ZNF627: variants seen among roughly 807,000 people sequenced by gnomAD.
ZNF627 encodes zinc finger protein 627.
A neutral mutation model predicts 10.6 loss-of-function variants in ZNF627; 12 were observed. The ratio of observed to expected loss-of-function variants is 1.13; its 90% CI spans 0.73 to 1.84. The LOEUF is 1.84. Ranked by LOEUF, ZNF627 falls within the 40% of genes most tolerant of loss-of-function variation. The probability of loss-of-function intolerance (pLI) is 0.00; values close to 1 mark genes in which losing one functional copy is unlikely to be tolerated. For missense variants in ZNF627, 504 were observed against 568.4 expected (o/e 0.89, Z 1.15); for synonymous variants, 176 against 187.1 (o/e 0.94, Z 0.48).
At chr19:11,611,289 C>T (rs1357136462) in intron 1 of ZNF627, among the ~76,000 whole-genome samples, 2 of 152,018 alleles carry the variant, frequency 1.3e-5, no homozygotes, top group Non-Finnish European at 2.9e-5. Context: ...TTACAATTCC[C>T]TGGTTGCCTT....
intron 1 of ZNF627, among the ~76,000 whole-genome samples, chr19:11,609,471 T>TATATATA (rs1568441689): frequency 5.6e-5 from 3 of 54,016 alleles, no homozygotes; most frequent in East Asian, 5.7e-4. Context: ...TTAAAAAATT[T>TATATATA]TATATATATA....
chr19:11,614,376 G>A (rs1269224225), intron 1 of ZNF627, 151 bp from the exon 2 acceptor site: 1 of 1,250,068 alleles, frequency 8.0e-7, no homozygotes, highest in Admixed American at 2.6e-5. Context: ...GGAAGGAAGT[G>A]AGTCTAGACA....
Position 11,607,619 on chromosome 19 carries a change from A to T in ZNF627, c.4-6908A>T, listed in dbSNP as rs1311435819. Among the ~76,000 whole-genome samples, 3 of 152,226 alleles carry T rather than the reference A, an allele frequency of 2.0e-5. No homozygotes were observed. In the East Asian group the frequency reaches 5.8e-4, roughly 29 times the overall value. On this transcript the variant is annotated intron_variant, in intron 1 of 3. Coordinates refer to ENST00000361113, the MANE Select transcript of ZNF627 (RefSeq NM_145295.4). The stretch of plus-strand genomic sequence containing the variant: ...ATGCCGCCAGTCTCTTTGCTAAAAC[A>T]TAACAAGAGTCACCTTTGCTTCAAG...
intron 1 of ZNF627, among the ~76,000 whole-genome samples, chr19:11,609,033 G>A (rs945514569): frequency 1.3e-5 from 2 of 152,036 alleles, no homozygotes; most frequent in Admixed American, 1.3e-4. Flanking sequence ...ACCATGCTCA[G>A]CTAATATTTG....
chr19:11,603,766 T>TA (rs992099394), intron 1 of ZNF627, among the ~76,000 whole-genome samples: 32 of 152,098 alleles, frequency 2.1e-4, no homozygotes, highest in African/African-American at 7.2e-4. Context: ...AGATAATACT[T>TA]AGAGTTTCCT....
At position 11,616,793 on chromosome 19, in the gene ZNF627, G is replaced by A. The variant is rs1258187489; in HGVS notation, c.290G>A (p.Gly97Glu). The stretch of plus-strand genomic sequence containing the variant: ...GGTATTCTGAACAAGAAAACTCCTG[G>A]AGTAAAACCGTGTGAAAGCAGTGTG... ...PDGILNKKTP[G>E]VKPCESSVCG... The change falls in exon 4 of 4, where the codon GGA becomes GAA. Residue 97 changes from glycine (G) to glutamate (E), a missense_variant. Physicochemically the swap from Gly to Glu is moderately conservative, Grantham distance 98 (BLOSUM62 -2). Transcript: ENST00000361113. The A allele has an allele frequency of 6.8e-6, 11 of 1,614,018 alleles. No individual in the cohort carries two copies. Among genetic ancestry groups the A allele is most frequent in the African/African-American group, 1.3e-5 (1 of 75,040 alleles).
At position 11,616,781 on chromosome 19, in the gene ZNF627, A is replaced by C; in HGVS notation, c.278A>C (p.Lys93Thr). Residue 93 changes from lysine to threonine, a missense_variant, in exon 4 of 4, where the codon AAG (lysine) becomes ACG (threonine). By Grantham distance (78) the Lys-to-Thr change is moderately conservative (BLOSUM62 -1). Coordinates refer to ENST00000361113, the MANE Select transcript of ZNF627 (RefSeq NM_145295.4). ...FSQIPDGILN[K>T]KTPGVKPCES... ...CAGATTCCAGATGGTATTCTGAACA[A>C]GAAAACTCCTGGAGTAAAACCGTGT... 6.2e-7 allele frequency: 1 copy of C among 1,614,044 alleles called. No individual in the cohort carries two copies. The highest frequency in any genetic ancestry group is 1.6e-4 in the Middle Eastern group (1 of 6,062).
chr19:11,608,926 C>T (rs369868928), intron 1 of ZNF627, among the ~76,000 whole-genome samples: 2 of 152,114 alleles, frequency 1.3e-5, no homozygotes, highest in East Asian at 3.8e-4. Context: ...GGCTGGAGTG[C>T]AGTGGTGCCA....
At chr19:11,609,072 T>C (rs966327848) in intron 1 of ZNF627, among the ~76,000 whole-genome samples, 2 of 152,128 alleles carry the variant, frequency 1.3e-5, no homozygotes, top group African/African-American at 4.8e-5. Flanking sequence ...GGTTTTGCCA[T>C]GTTGTCCAGG....
In ZNF627 at chr19:11,617,406, C is replaced by A; in HGVS notation, c.903C>A (p.His301Gln). ...CTGTTCGAAGTCACGAGAGGACTCA[C>A]ACCGGAGAGAAACTTTTTGAATGTA... ...ASSVRSHERT[H>Q]TGEKLFECKE... The change falls in exon 4 of 4, where the codon CAC (histidine) becomes CAA (glutamine). Residue 301 changes from histidine to glutamine, a missense_variant. His to Gln is a conservative substitution (Grantham distance 24, BLOSUM62 0). Coordinates refer to ENST00000361113, the MANE Select transcript of ZNF627 (RefSeq NM_145295.4). The A allele has an allele frequency of 1.2e-6, 2 of 1,614,022 alleles. No homozygotes were observed. Among genetic ancestry groups the A allele is most frequent in the Non-Finnish European group, 1.7e-6 (2 of 1,180,034 alleles).
At chr19:11,598,209 T>G (rs1032139333) in intron 1 of ZNF627, among the ~76,000 whole-genome samples, 5 of 152,146 alleles carry the variant, frequency 3.3e-5, no homozygotes, top group African/African-American at 1.2e-4. Context: ...ACCCTAAATT[T>G]TATTTCCTTA....
intron 1 of ZNF627, among the ~76,000 whole-genome samples, chr19:11,614,038 C>A (rs935795213): frequency 6.6e-6 from 1 of 151,378 alleles, no homozygotes; most frequent in Non-Finnish European, 1.5e-5. Flanking sequence ...TCTTCTACCT[C>A]AGCCTCCTGA....
At chr19:11,615,602 C>CA (rs1320080231) in intron 3 of ZNF627, among the ~76,000 whole-genome samples, 58 of 106,942 alleles carry the variant, frequency 5.4e-4, no homozygotes, top group African/African-American at 8.3e-4. Flanking sequence ...GACTCTGTCT[C>CA]AAAAAAGAAA....
Position 11,617,555 on chromosome 19 carries a change from G to T in ZNF627, c.1052G>T (p.Arg351Leu), listed in dbSNP as rs72489416. The change falls in exon 4 of 4, where the codon CGA (arginine) becomes CTA (leucine). Residue 351 changes from arginine (R) to leucine (L), a missense_variant. By Grantham distance (102) the Arg-to-Leu change is moderately radical. Transcript: ENST00000361113. ...GKAFDFPSSF[R>L]IHERTHTGEK... Reference sequence around the variant, plus strand: ...GCCTTTGATTTCCCCAGTTCATTTCGAATCCATGAAAGGACCCACACTGGA... The same window carrying T: ...GCCTTTGATTTCCCCAGTTCATTTCTAATCCATGAAAGGACCCACACTGGA... 3 of 1,613,578 alleles carry T rather than the reference G, an allele frequency of 1.9e-6. No homozygotes were observed. The highest frequency in any genetic ancestry group is 2.7e-5 in the African/African-American group (2 of 74,830).
At chr19:11,597,839 C>T (rs992900593) in intron 1 of ZNF627, among the ~76,000 whole-genome samples, 1 of 152,332 alleles carries the variant, frequency 6.6e-6, no homozygotes, top group East Asian at 1.9e-4. Context: ...CCCGCAGCCC[C>T]GCGTCTCCCC....
chr19:11,608,745 G>A (rs542303522), intron 1 of ZNF627, among the ~76,000 whole-genome samples: 107 of 152,086 alleles, frequency 7.0e-4, no homozygotes, highest in Middle Eastern at 3.4e-3. Context: ...GGATTTGAAC[G>A]CCTGGGCTCA....
chr19:11,614,580 T>C lies in ZNF627; in HGVS notation c.57T>C (p.Ala19=), dbSNP rs1440191668. 1 of 1,613,884 alleles carries C rather than the reference T, an allele frequency of 6.2e-7. No individual in the cohort carries two copies. Among genetic ancestry groups the C allele is most frequent in the Non-Finnish European group, 8.5e-7 (1 of 1,179,960 alleles). The part of the protein sequence containing the change: ...VAVNFTLEEW[A]LLDPSQKNLY... ...TGAACTTCACCCTGGAGGAGTGGGC[T>C]TTGCTGGATCCTTCCCAGAAGAATC... The change falls in exon 2 of 4, where the codon GCT becomes GCC. Residue 19 remains alanine, a synonymous_variant. Transcript: ENST00000361113.
chr19:11,609,775 C>CGG, intron 1 of ZNF627, among the ~76,000 whole-genome samples: 1 of 151,996 alleles, frequency 6.6e-6, no homozygotes, highest in Admixed American at 6.6e-5. Context: ...ACCTTGGCCT[C>CGG]CCAAAGTGCT....
rs776293707 is a variant in ZNF627, at chr19:11,617,040, T to G, written c.537T>G (p.Leu179=). 6.2e-7 allele frequency: 1 copy of G among 1,614,102 alleles called. No individual in the cohort carries two copies. Among genetic ancestry groups the G allele is most frequent in the South Asian group, 1.1e-5 (1 of 91,084 alleles). The change falls in exon 4 of 4, where the codon CTT becomes CTG. Residue 179 remains leucine, a synonymous_variant. Transcript: ENST00000361113. ...AATGTGGAGAAACCTTTATTTCTCT[T>G]GTAAGCATTCGAAGACACATGTTAA... ...CKECGETFIS[L]VSIRRHMLTH... is the part of the protein sequence containing the mutation.
Sources: allele counts gnomAD v4.1 joint callset (sites outside exome capture counted in the v4.1 genomes callset), GRCh38; gene constraint gnomAD v4.1.1; transcripts MANE v1.5; gene names NCBI Gene and HGNC (gene_info 2026-07-23, HGNC 2026-07-21).